The following TMEM67 variants were observed in gnomAD, a reference collection of about 807,000 sequenced individuals.
The protein encoded by TMEM67 is transmembrane protein 67.
In TMEM67, 124 loss-of-function variants were observed where a neutral mutation model predicts 136.6. The ratio of observed to expected loss-of-function variants is 0.91; its 90% CI spans 0.78 to 1.05. The LOEUF (loss-of-function observed/expected upper bound fraction) is 1.05. TMEM67 is among the 50% of genes least tolerant of loss of function. TMEM67 has a pLI of 0.00. For synonymous variants in TMEM67, 364 were observed against 390.5 expected, an observed-to-expected ratio of 0.93 and a Z score of 0.80; for missense variants, 1,107 against 1,178.4, an observed-to-expected ratio of 0.94 and a Z score of 0.89.
At position 93,809,904 on chromosome 8, in the gene TMEM67, T is replaced by C. The variant is rs755959608; in HGVS notation, c.2764+17T>C. Reference sequence around the variant, plus strand: ...TTTACAATGGTATCTTCTAAATCCCTTTGTAGAACTTGATAACTGTTTTCA... The same window carrying C: ...TTTACAATGGTATCTTCTAAATCCCCTTGTAGAACTTGATAACTGTTTTCA... On this transcript the variant is annotated intron_variant, in intron 26 of 27. Transcript: ENST00000453321. 6.9e-7 allele frequency: 1 copy of C among 1,448,650 alleles called. No individual in the cohort carries two copies. Among genetic ancestry groups the C allele is most frequent in the East Asian group, 2.3e-5 (1 of 43,864 alleles). 89.7% of individuals were successfully genotyped at this position (1,448,650 alleles called of 1,614,324 possible). A position where few individuals can be genotyped will look rare whatever the true frequency, so the allele number is the denominator to read the frequency against.
At chr8:93,831,054 A>G in the TMEM67 span, among the ~76,000 whole-genome samples, 3,165 of 152,330 alleles carry the variant, frequency 0.021, 99 homozygotes, top group African/African-American at 0.071. Flanking sequence ...CATCTGGTAT[A>G]TTCACTCCTG....
In TMEM67 at chr8:93,809,159, C is replaced by G; in HGVS notation, c.2659C>G (p.His887Asp). Residue 887 changes from histidine to aspartate, a missense_variant and splice_region_variant, in exon 25 of 28, where the codon CAT becomes GAT. Around this residue, in one of 3 missense-constraint regions of TMEM67, gnomAD observed 925 missense variants for 1,002.4 expected, o/e 0.92. Coordinates refer to ENST00000453321, the MANE Select transcript of TMEM67 (RefSeq NM_153704.6). The stretch of plus-strand genomic sequence containing the variant: ...TAAATTTCTTGGCTCCTTCATTGAC[C>G]ATGTATGTATGTCAACATTTATATT... Reference protein sequence around the residue: ...MNKFLGSFIDHVHKEMDYFIK... With the variant: ...MNKFLGSFIDDVHKEMDYFIK... 2 of 1,510,040 alleles carry G rather than the reference C, an allele frequency of 1.3e-6. No individual in the cohort carries two copies. The highest frequency in any genetic ancestry group is 1.8e-6 in the Non-Finnish European group (2 of 1,086,464). 93.5% of individuals were successfully genotyped at this position (1,510,040 alleles called of 1,614,324 possible). A position where few individuals can be genotyped will look rare whatever the true frequency, so the allele number is the denominator to read the frequency against.
intron 23 of TMEM67, among the ~76,000 whole-genome samples, chr8:93,808,510 A>AGATATTTATC (rs1808547922): frequency 4.6e-4 from 6 of 13,166 alleles, no homozygotes; most frequent in African/African-American, 6.5e-4. Context: ...ATAGATGAAT[A>AGATATTTATC]TATATATTTA....
the TMEM67 span, among the ~76,000 whole-genome samples, chr8:93,824,671 A>T: frequency 4.4e-3 from 668 of 152,210 alleles, 4 homozygotes; most frequent in African/African-American, 0.016. Context: ...TTTGCATATG[A>T]TCATAAGCAA....
intron 25 of TMEM67, 47 bp from the exon 26 acceptor site, chr8:93,809,738 T>G (rs747297675): frequency 9.1e-7 from 1 of 1,094,060 alleles, no homozygotes. Flanking sequence ...TGCAAAGCAT[T>G]TATTTCACTA....
chr8:93,759,911 A>G lies in TMEM67; in HGVS notation c.406+1335A>G. The G allele has an allele frequency of 1.4e-6, 2 of 1,451,108 alleles. No homozygotes were observed. Among genetic ancestry groups the G allele is most frequent in the Non-Finnish European group, 1.9e-6 (2 of 1,065,778 alleles). The allele number at this position is 1,451,108 out of a possible 1,614,324, so 89.9% of individuals were successfully genotyped here. A position where few individuals can be genotyped will look rare whatever the true frequency, so the allele number is the denominator to read the frequency against. ...TGATCTGCCTGCCTCAGCCTCCCAAAGTGCTGGGATACAGGCTTGAGCCAC... is the reference window on the plus strand; with the variant it reads ...TGATCTGCCTGCCTCAGCCTCCCAAGGTGCTGGGATACAGGCTTGAGCCAC... On this transcript the variant is annotated intron_variant, in intron 3 of 27. Coordinates refer to ENST00000453321, the MANE Select transcript of TMEM67 (RefSeq NM_153704.6).
chr8:93,826,934 A>G, the TMEM67 span, among the ~76,000 whole-genome samples: 1 of 152,064 alleles, frequency 6.6e-6, no homozygotes, highest in Non-Finnish European at 1.5e-5. Context: ...GGCTCAAGCA[A>G]TTCTCCTTCG....
At chr8:93,795,363 A>G in intron 16 of TMEM67, 46 bp from the exon 17 acceptor site, 1 of 1,473,872 alleles carries the variant, frequency 6.8e-7, no homozygotes, top group Non-Finnish European at 9.5e-7. Context: ...AAAGTGGTAT[A>G]TACATGGAGT....
At chr8:93,812,698 G>A (rs1808747996) in intron 26 of TMEM67, among the ~76,000 whole-genome samples, 1 of 152,190 alleles carries the variant, frequency 6.6e-6, no homozygotes, top group African/African-American at 2.4e-5. Context: ...TAAAGTATCT[G>A]TTATGGGTAG....
chr8:93,803,589 G>T lies in TMEM67; in HGVS notation c.2242-15G>T. ...CCTAAAAGCTAATAAGCATAAACTT[G>T]ACTTAATGTTTCAGGTCGTGTTCTT... On this transcript the variant is annotated splice_polypyrimidine_tract_variant and intron_variant, in intron 21 of 27. Coordinates refer to ENST00000453321, the MANE Select transcript of TMEM67 (RefSeq NM_153704.6). 6.6e-7 allele frequency: 1 copy of T among 1,515,592 alleles called. No individual in the cohort carries two copies. Among genetic ancestry groups the T allele is most frequent in the South Asian group, 1.1e-5 (1 of 88,858 alleles). 93.9% of individuals were successfully genotyped at this position (1,515,592 alleles called of 1,614,324 possible).
At chr8:93,778,295 T>G (rs202216910) in intron 7 of TMEM67, among the ~76,000 whole-genome samples, 68 of 152,308 alleles carry the variant, frequency 4.5e-4, no homozygotes, top group Non-Finnish European at 6.5e-4. Context: ...GATGGGTCTT[T>G]ACTCTTTATC....
intron 9 of TMEM67, among the ~76,000 whole-genome samples, chr8:93,781,307 T>C (rs767181124): frequency 2.0e-5 from 3 of 152,214 alleles, no homozygotes; most frequent in Non-Finnish European, 4.4e-5. Flanking sequence ...ATTGGGGCTC[T>C]GTGACATTGC....
At chr8:93,788,765 A>G (rs1395982326) in intron 14 of TMEM67, among the ~76,000 whole-genome samples, 2 of 152,170 alleles carry the variant, frequency 1.3e-5, no homozygotes, top group Non-Finnish European at 2.9e-5. Flanking sequence ...CCTGCAGCCA[A>G]ATAGGTTTCC....
chr8:93,805,713 G>A (rs1488311375), intron 23 of TMEM67, among the ~76,000 whole-genome samples: 1 of 152,126 alleles, frequency 6.6e-6, no homozygotes, highest in Non-Finnish European at 1.5e-5. Context: ...TAATTCATGA[G>A]GGAAAGTTCC....
At chr8:93,788,780 A>G (rs575323314) in intron 14 of TMEM67, among the ~76,000 whole-genome samples, 5 of 152,262 alleles carry the variant, frequency 3.3e-5, no homozygotes, top group Non-Finnish European at 7.4e-5. Context: ...GTTTCCCACT[A>G]CTTCACCAAC....
chr8:93,757,945 C>T (rs1301703389), intron 2 of TMEM67, among the ~76,000 whole-genome samples: 3 of 152,024 alleles, frequency 2.0e-5, no homozygotes, highest in East Asian at 3.9e-4. Flanking sequence ...TTAGTAGAGA[C>T]GAGGTTTCAC....
downstream of TMEM67, among the ~76,000 whole-genome samples, chr8:93,818,516 A>G (rs1388934415): frequency 2.0e-5 from 3 of 152,200 alleles, no homozygotes; most frequent in Non-Finnish European, 4.4e-5. Context: ...TTAACTCAGC[A>G]CTTACAAGCA....
Position 93,763,874 on chromosome 8 carries a change from C to A in TMEM67, c.439C>A (p.Gln147Lys). Residue 147 changes from glutamine to lysine, a missense_variant, in exon 4 of 28, where the codon CAA becomes AAA. Physicochemically the swap from Gln to Lys is moderately conservative, Grantham distance 53. Coordinates refer to ENST00000453321, the MANE Select transcript of TMEM67 (RefSeq NM_153704.6). ...AGACATTAATGGAACATTGTTGTCT[C>A]AAGCAACTTGTGAGCTCTGTGATGG... The part of the protein sequence containing the change: ...ERDINGTLLS[Q>K]ATCELCDGNE... 6.2e-7 allele frequency: 1 copy of A among 1,613,792 alleles called. No homozygotes were observed. The highest frequency in any genetic ancestry group is 1.1e-5 in the South Asian group (1 of 91,060).
Position 93,803,801 on chromosome 8 carries a change from C to T in TMEM67, c.2322+117C>T, listed in dbSNP as rs1233185701. 8.6e-6 allele frequency: 6 copies of T among 697,614 alleles called. No homozygotes were observed. The East Asian group carries it at 1.6e-4, about 19-fold the overall frequency. The allele number at this position is 697,614 out of a possible 1,614,324, so 43.2% of individuals were successfully genotyped here. On this transcript the variant is annotated intron_variant, in intron 22 of 27. Coordinates refer to ENST00000453321, the MANE Select transcript of TMEM67 (RefSeq NM_153704.6). ...TGATTGAATTTTTGGGCCAATTTTC[C>T]ACTGGTTGTTAATTCCAGAGATAAT...
Sources: allele counts gnomAD v4.1 joint callset (sites outside exome capture counted in the v4.1 genomes callset), GRCh38; gene constraint gnomAD v4.1.1; regional missense constraint gnomAD v4.1.1; transcripts MANE v1.5; gene names NCBI Gene and HGNC (gene_info 2026-07-23, HGNC 2026-07-21).